The following DPP6 variants were observed in gnomAD, a reference collection of about 807,000 sequenced individuals.
DPP6 encodes the protein A-type potassium channel modulatory protein DPP6.
In DPP6, 69 loss-of-function variants were observed where a neutral mutation model predicts 122.6. That is an observed-to-expected ratio of 0.56 (90% CI 0.46 to 0.69). The LOEUF is 0.69. Among genes scored for constraint, DPP6 ranks in the 30% least tolerant of loss-of-function variants. The pLI, the probability that DPP6 is intolerant of heterozygous loss-of-function variation, is 0.00. For synonymous variants in DPP6, 418 were observed against 433.1 expected (o/e 0.97, Z 0.43); for missense variants, 928 against 1,116.9 (o/e 0.83, Z 2.41).
chr7:154,663,249 T>A (rs539239595), intron 6 of DPP6, among the ~76,000 whole-genome samples: 3,096 of 65,484 alleles, frequency 0.047, 492 homozygotes, highest in African/African-American at 0.11. Context: ...TGAATCACCA[T>A]GGCGTATTGG....
At chr7:154,281,266 A>G (rs1316120822) in intron 1 of DPP6, among the ~76,000 whole-genome samples, 2 of 151,114 alleles carry the variant, frequency 1.3e-5, no homozygotes, top group African/African-American at 2.4e-5. Flanking sequence ...GCCCGCTTCG[A>G]CCTCCCCTAA....
At chr7:154,754,241 A>G (rs1266174871) in intron 8 of DPP6, among the ~76,000 whole-genome samples, 1 of 152,252 alleles carries the variant, frequency 6.6e-6, no homozygotes, top group Admixed American at 6.5e-5. Context: ...AATTCTTTCC[A>G]TCATTTAATT....
At chr7:154,334,220 C>G (rs960486058) in intron 1 of DPP6, among the ~76,000 whole-genome samples, 1 of 151,210 alleles carries the variant, frequency 6.6e-6, no homozygotes, top group African/African-American at 2.4e-5. Flanking sequence ...CAAAGATTCT[C>G]TTTTGAGTGC....
intron 1 of DPP6, among the ~76,000 whole-genome samples, chr7:154,030,207 A>G (rs531489877): frequency 1.3e-5 from 2 of 152,320 alleles, no homozygotes; most frequent in South Asian, 4.2e-4. Context: ...AAGAAATTAA[A>G]TAAGTAGCAA....
chr7:154,042,465 A>G (rs1353887904), intron 1 of DPP6, among the ~76,000 whole-genome samples: 1 of 152,222 alleles, frequency 6.6e-6, no homozygotes, highest in Admixed American at 6.5e-5. Flanking sequence ...TATCCAAAGC[A>G]TTAATTGGAT....
At chr7:153,883,709 C>T (rs1039967115), upstream of DPP6, among the ~76,000 whole-genome samples, 1 of 152,228 alleles carries the variant, frequency 6.6e-6, no homozygotes, top group African/African-American at 2.4e-5. Flanking sequence ...CTCTTAGCCT[C>T]ATTCTTTTCC....
At chr7:153,870,252 A>T in the DPP6 span, among the ~76,000 whole-genome samples, 1 of 152,344 alleles carries the variant, frequency 6.6e-6, no homozygotes, top group Non-Finnish European at 1.5e-5. Context: ...GCATTTTCCA[A>T]CTTGATTCCA....
At chr7:154,781,617 T>G (rs1227846681) in intron 10 of DPP6, among the ~76,000 whole-genome samples, 2 of 152,232 alleles carry the variant, frequency 1.3e-5, no homozygotes, top group African/African-American at 4.8e-5. Flanking sequence ...AACTGTACAC[T>G]TTAGTAGAGC....
chr7:154,476,577 G>A (rs1037145952), intron 3 of DPP6, among the ~76,000 whole-genome samples: 2 of 152,158 alleles, frequency 1.3e-5, no homozygotes, highest in East Asian at 1.9e-4. Context: ...GAGGAGGATC[G>A]GAAGTTCTCA....
intron 6 of DPP6, among the ~76,000 whole-genome samples, chr7:154,642,888 C>G (rs1435194293): frequency 5.3e-5 from 8 of 152,016 alleles, no homozygotes; most frequent in African/African-American, 1.7e-4. Context: ...GGTGGGAGAG[C>G]GAGACTCCAT....
the DPP6 span, among the ~76,000 whole-genome samples, chr7:153,852,422 A>G: frequency 6.6e-6 from 1 of 152,114 alleles, no homozygotes. Context: ...GAGCAGGAGC[A>G]AGAGAGTGGG....
chr7:153,876,845 C>T, the DPP6 span, among the ~76,000 whole-genome samples: 2 of 152,024 alleles, frequency 1.3e-5, no homozygotes. Context: ...CCTAATTTTA[C>T]TGTACCTTTT....
chr7:154,590,045 A>T (rs1048162685), intron 5 of DPP6, among the ~76,000 whole-genome samples: 1 of 152,220 alleles, frequency 6.6e-6, no homozygotes, highest in Non-Finnish European at 1.5e-5. Flanking sequence ...TGCAGAGGAT[A>T]GGACCAAGCA....
chr7:154,684,310 T>C (rs572226558), intron 7 of DPP6, among the ~76,000 whole-genome samples: 4 of 152,228 alleles, frequency 2.6e-5, no homozygotes, highest in African/African-American at 9.6e-5. Flanking sequence ...GTGACCTGTT[T>C]CCTTGTTATT....
At chr7:154,057,647 T>G (rs1236679253) in intron 1 of DPP6, 1 of 150,582 alleles carries the variant, frequency 6.6e-6, no homozygotes, top group Non-Finnish European at 1.5e-5. Context: ...ATCCCAAACG[T>G]TGCAGTATTA....
At chr7:154,170,657 C>A (rs2150727901) in intron 1 of DPP6, among the ~76,000 whole-genome samples, 1 of 152,314 alleles carries the variant, frequency 6.6e-6, no homozygotes, top group African/African-American at 2.4e-5. Context: ...TTTCTGAAAC[C>A]TCACCATTTC....
At chr7:154,414,682 G>A (rs1485539589) in intron 1 of DPP6, among the ~76,000 whole-genome samples, 1 of 152,174 alleles carries the variant, frequency 6.6e-6, no homozygotes, top group African/African-American at 2.4e-5. Flanking sequence ...TTTCTGTGAG[G>A]TTGCCATCAG....
chr7:153,979,903 T>A (rs918015571), intron 1 of DPP6, among the ~76,000 whole-genome samples: 2 of 152,218 alleles, frequency 1.3e-5, no homozygotes, highest in Admixed American at 6.5e-5. Context: ...GCCGAGTTGA[T>A]CATGGTGGAT....
chr7:153,783,897 G>A, the DPP6 span, among the ~76,000 whole-genome samples: 164 of 152,304 alleles, frequency 1.1e-3, no homozygotes, highest in Non-Finnish European at 2.1e-3. Flanking sequence ...CTGGACAAAT[G>A]TACTGTAGTA....
Sources: allele counts gnomAD v4.1 joint callset (sites outside exome capture counted in the v4.1 genomes callset), GRCh38; gene constraint gnomAD v4.1.1; transcripts MANE v1.5; gene names NCBI Gene and HGNC (gene_info 2026-07-23, HGNC 2026-07-21).